CREM: variants seen among roughly 807,000 people sequenced by gnomAD.
CREM encodes the protein cAMP-responsive element modulator.
In CREM, 13 loss-of-function variants were observed where a neutral mutation model predicts 37.3. That is an observed-to-expected ratio of 0.35 (90% CI 0.23 to 0.55). The LOEUF is 0.55. CREM is among the 20% of genes least tolerant of loss of function. CREM has a pLI of 0.88. For synonymous variants in CREM, 124 were observed against 120.2 expected, an observed-to-expected ratio of 1.03 and a Z score of -0.21; for missense variants, 296 against 362.3, an observed-to-expected ratio of 0.82 and a Z score of 1.49.
At chr10:35,128,526 CTT>C (rs35809404) in intron 1 of CREM, among the ~76,000 whole-genome samples, 228 of 128,906 alleles carry the variant, frequency 1.8e-3, no homozygotes, top group Middle Eastern at 7.9e-3. Context: ...TTTTCCTAGT[CTT>C]TTTTTTTTTT....
intron 3 of CREM, chr10:35,167,527 G>T: frequency 1.8e-6 from 1 of 568,086 alleles, no homozygotes; most frequent in East Asian, 2.8e-5. Flanking sequence ...AAACCCCATC[G>T]TGAGGGAACC....
At position 35,212,504 on chromosome 10, in the gene CREM, T is replaced by C. The variant is rs1471217497; in HGVS notation, c.*1106T>C. 1 of 152,808 alleles carries C rather than the reference T, an allele frequency of 6.5e-6. No individual in the cohort carries two copies. The highest frequency in any genetic ancestry group is 2.4e-5 in the African/African-American group (1 of 41,454). 9.5% of individuals were successfully genotyped at this position (152,808 alleles called of 1,614,324 possible). On this transcript the variant is annotated 3_prime_UTR_variant, in exon 8 of 8. Coordinates refer to ENST00000685392, the MANE Select transcript of CREM (RefSeq NM_183011.2). ...GTTTAATATTACCTAATGAAAGTGA[T>C]GACATATTTTTTATATCTGGAATGA...
chr10:35,167,818 C>T, intron 3 of CREM: 1 of 1,602,630 alleles, frequency 6.2e-7, no homozygotes, highest in Non-Finnish European at 8.5e-7. Flanking sequence ...ATGATGTCTG[C>T]TATAAGTACC....
chr10:35,168,643 T>C (rs912975515), intron 3 of CREM, among the ~76,000 whole-genome samples: 12 of 152,228 alleles, frequency 7.9e-5, no homozygotes, highest in Non-Finnish European at 1.3e-4. Flanking sequence ...TGCCATTGCT[T>C]TTTGTATTTT....
At chr10:35,184,999 T>G (rs12777517) in intron 5 of CREM, among the ~76,000 whole-genome samples, 45,611 of 151,782 alleles carry the variant, frequency 0.3, 7,266 homozygotes, top group South Asian at 0.35. Context: ...GGCTTAAGTT[T>G]TTTATAATAT....
At chr10:35,181,894 A>C (rs1331168823) in intron 5 of CREM, among the ~76,000 whole-genome samples, 2 of 152,160 alleles carry the variant, frequency 1.3e-5, no homozygotes, top group East Asian at 1.9e-4. Context: ...AACAAAAAAA[A>C]CACATCTGTC....
In CREM at chr10:35,152,992, C is replaced by T. The variant is rs544767685; in HGVS notation, c.168+4501C>T. On this transcript the variant is annotated intron_variant, in intron 3 of 7. Transcript: ENST00000685392. ...TGGTGGCTCATGCCTATAATCCCAG[C>T]ACTTTGGGAGGCTGAGGCAAGAGGA... Among the ~76,000 whole-genome samples, 23 of 152,308 alleles carry T rather than the reference C, an allele frequency of 1.5e-4. No individual in the cohort carries two copies. In the South Asian group the frequency reaches 3.9e-3, roughly 26 times the overall value.
rs59065152 is a variant in CREM, at chr10:35,140,577, A to G, written c.44+2698A>G. The stretch of plus-strand genomic sequence containing the variant: ...AGGCACTGGGAATGCATGGAAATCT[A>G]TAAGATGGGATCCCTGTCCCTGAGT... On this transcript the variant is annotated intron_variant, in intron 2 of 7. Transcript: ENST00000685392. Among the ~76,000 whole-genome samples, 1,205 of 152,308 alleles carry G rather than the reference A, an allele frequency of 7.9e-3. 21 individuals carry two copies. Among genetic ancestry groups the G allele is most frequent in the African/African-American group, 0.027 (1,130 of 41,558 alleles).
intron 3 of CREM, among the ~76,000 whole-genome samples, chr10:35,149,166 A>T (rs1208165496): frequency 2.6e-5 from 4 of 152,182 alleles, no homozygotes; most frequent in Non-Finnish European, 5.9e-5. Context: ...TAGAAAATGA[A>T]TAAGGCCTAC....
chr10:35,179,247 G>A lies in CREM; in HGVS notation c.380G>A (p.Ser127Asn), dbSNP rs1283851150. 4 of 1,614,074 alleles carry A rather than the reference G, an allele frequency of 2.5e-6. No homozygotes were observed. In the East Asian group the frequency reaches 6.7e-5, roughly 27 times the overall value. ...ATTGCTACCATGGCAGTACCAACTA[G>A]CATATATCAGACTAGCACGGGGCAA... is the stretch of plus-strand genomic sequence containing the variant. ...PSIATMAVPT[S>N]IYQTSTGQYI... is the part of the protein sequence containing the mutation. The change falls in exon 5 of 8, where the codon AGC becomes AAC. Residue 127 changes from serine to asparagine, a missense_variant. Transcript: ENST00000685392.
At chr10:35,181,515 T>TG (rs927086989) in intron 5 of CREM, among the ~76,000 whole-genome samples, 3 of 151,926 alleles carry the variant, frequency 2.0e-5, no homozygotes, top group South Asian at 2.1e-4. Context: ...TGTGTGTCTG[T>TG]GGGGGGGATG....
intron 3 of CREM, among the ~76,000 whole-genome samples, chr10:35,173,004 A>G (rs574827124): frequency 6.6e-6 from 1 of 152,340 alleles, no homozygotes; most frequent in African/African-American, 2.4e-5. Context: ...CAATATTCAT[A>G]GTTTTCTGAT....
intron 6 of CREM, among the ~76,000 whole-genome samples, chr10:35,194,121 A>AAAAAAAAAAAAG: frequency 6.6e-6 from 1 of 150,560 alleles, no homozygotes; most frequent in East Asian, 1.9e-4. Context: ...AAAAAAAAAA[A>AAAAAAAAAAAAG]AAAGACAAAA....
At chr10:35,152,303 C>T (rs2092649554) in intron 3 of CREM, 1 of 152,190 alleles carries the variant, frequency 6.6e-6, no homozygotes, top group South Asian at 2.1e-4. Flanking sequence ...CAAGAATATA[C>T]TATGAAAATC....
chr10:35,180,563 C>T (rs1032764512), intron 5 of CREM, among the ~76,000 whole-genome samples: 1 of 152,162 alleles, frequency 6.6e-6, no homozygotes, highest in Non-Finnish European at 1.5e-5. Flanking sequence ...TGTATTCACA[C>T]GTTTGACAGG....
At chr10:35,145,767 A>G (rs1589404697) in intron 2 of CREM, among the ~76,000 whole-genome samples, 2 of 104,738 alleles carry the variant, frequency 1.9e-5, no homozygotes. Flanking sequence ...ACAGAGTGAG[A>G]CTCTGCCTCA....
At chr10:35,172,325 G>C (rs1248352006) in intron 3 of CREM, among the ~76,000 whole-genome samples, 4 of 152,246 alleles carry the variant, frequency 2.6e-5, no homozygotes, top group African/African-American at 4.8e-5. Flanking sequence ...TGGAATAGCT[G>C]TTTTCAAAGT....
rs570232044 is a variant in CREM at position 35,212,096 on chromosome 10, A to G, written c.*698A>G. On this transcript the variant is annotated 3_prime_UTR_variant, in exon 8 of 8. Coordinates refer to ENST00000685392, the MANE Select transcript of CREM (RefSeq NM_183011.2). ...TTCTATGTGTCATCAATAGTGTCCT[A>G]TGCAATAAAATTATTTGCAGGTCTT... 3 of 235,764 alleles carry G rather than the reference A, an allele frequency of 1.3e-5. No individual in the cohort carries two copies. The highest frequency in any genetic ancestry group is 3.4e-4 in the South Asian group (2 of 5,822). 14.6% of individuals were successfully genotyped at this position (235,764 alleles called of 1,614,324 possible). A position where few individuals can be genotyped will look rare whatever the true frequency, so the allele number is the denominator to read the frequency against.
intron 3 of CREM, among the ~76,000 whole-genome samples, chr10:35,159,365 C>T (rs973018343): frequency 2.0e-5 from 3 of 151,906 alleles, no homozygotes; most frequent in African/African-American, 7.2e-5. Context: ...ATGGTACCAG[C>T]ATGAAAACAG....
Sources: allele counts gnomAD v4.1 joint callset (sites outside exome capture counted in the v4.1 genomes callset), GRCh38; gene constraint gnomAD v4.1.1; transcripts MANE v1.5; gene names NCBI Gene and HGNC (gene_info 2026-07-23, HGNC 2026-07-21).